The following TMPRSS15 variants were observed in gnomAD, a reference collection of about 807,000 sequenced individuals.
TMPRSS15 encodes transmembrane serine protease 15, also known as enteropeptidase.
A neutral mutation model predicts 125.3 loss-of-function variants in TMPRSS15; 128 were observed. The observed-to-expected ratio is 1.02, with a 90% CI of 0.89 to 1.18. The LOEUF is 1.18. Among genes scored for constraint, TMPRSS15 ranks in the 50% most tolerant of loss-of-function variants. The probability of loss-of-function intolerance (pLI) is 0.00; values close to 1 mark genes in which losing one functional copy is unlikely to be tolerated. For synonymous variants in TMPRSS15, 446 were observed against 423.2 expected (o/e 1.05, Z -0.66); for missense variants, 1,283 against 1,212.7 (o/e 1.06, Z -0.86).
intron 16 of TMPRSS15, among the ~76,000 whole-genome samples, chr21:18,321,390 T>C (rs2075233712): frequency 7.1e-6 from 1 of 140,052 alleles, no homozygotes; most frequent in Admixed American, 7.5e-5. Context: ...TCTCACTCTG[T>C]CGCCCAGGCT....
At chr21:18,358,537 A>T (rs1014000504) in intron 8 of TMPRSS15, among the ~76,000 whole-genome samples, 1 of 151,850 alleles carries the variant, frequency 6.6e-6, no homozygotes, top group African/African-American at 2.4e-5. Context: ...TTTTTTTTTA[A>T]GAGCAAATGT....
At chr21:18,415,554 T>C (rs2123180387) in intron 1 of TMPRSS15, among the ~76,000 whole-genome samples, 1 of 152,220 alleles carries the variant, frequency 6.6e-6, no homozygotes, top group South Asian at 2.1e-4. Context: ...AGATCTATTT[T>C]TGTTTTTTTG....
chr21:18,409,685 T>C (rs1013075102), intron 1 of TMPRSS15, among the ~76,000 whole-genome samples: 1 of 152,168 alleles, frequency 6.6e-6, no homozygotes. Context: ...TGGATTTTGT[T>C]ACTGGGTTCT....
intron 1 of TMPRSS15, among the ~76,000 whole-genome samples, chr21:18,467,774 A>C (rs1978696823): frequency 6.6e-6 from 1 of 152,182 alleles, no homozygotes; most frequent in African/African-American, 2.4e-5. Context: ...TGGGAATGAT[A>C]ATATGATAAA....
At chr21:18,319,973 C>CT (rs1218705608) in intron 16 of TMPRSS15, among the ~76,000 whole-genome samples, 1 of 152,042 alleles carries the variant, frequency 6.6e-6, no homozygotes, top group African/African-American at 2.4e-5. Context: ...TTCTACAAAC[C>CT]TTTATACCAT....
At position 18,313,349 on chromosome 21, in the gene TMPRSS15, C is replaced by CTCTATA. The variant is rs1555895998; in HGVS notation, c.2033-273_2033-272insTATAGA. The stretch of plus-strand genomic sequence containing the variant: ...ATCATTCCTCAATCTCTCTCTCTCT[C>CTCTATA]TATATATATATACACACTTTTTAAA... On this transcript the variant is annotated intron_variant, in intron 17 of 24. Coordinates refer to ENST00000284885, the MANE Select transcript of TMPRSS15 (RefSeq NM_002772.3). Among the ~76,000 whole-genome samples the CTCTATA allele has an allele frequency of 1.1e-3, 161 of 149,442 alleles. No individual in the cohort carries two copies. In the East Asian group the frequency reaches 0.015, roughly 14 times the overall value.
At chr21:18,461,219 A>G (rs2122952367) in intron 1 of TMPRSS15, among the ~76,000 whole-genome samples, 10 of 152,202 alleles carry the variant, frequency 6.6e-5, no homozygotes, top group African/African-American at 2.4e-4. Context: ...CCTGCTACCC[A>G]TTGACCAACT....
Position 18,326,456 on chromosome 21 carries a change from T to C in TMPRSS15, c.1897A>G (p.Thr633Ala). 6.2e-7 allele frequency: 1 copy of C among 1,614,144 alleles called. No homozygotes were observed. Among genetic ancestry groups the C allele is most frequent in the Non-Finnish European group, 8.5e-7 (1 of 1,179,984 alleles). ...ARGGFKANFT[T>A]GYHLGIPEPC... ...CCTGGAATCCCCAAGTGATAGCCAG[T>C]AGTAAAGTTTGCTTTAAACCCTCCT... The change falls in exon 16 of 25, where the codon ACT becomes GCT. Residue 633 changes from threonine (T) to alanine (A), a missense_variant. Thr to Ala is a moderately conservative substitution (Grantham distance 58). Transcript: ENST00000284885.
In TMPRSS15 at chr21:18,294,382, T is replaced by C. The variant is rs936938843; in HGVS notation, c.2374A>G (p.Lys792Glu). Residue 792 changes from lysine to glutamate, a missense_variant, in exon 21 of 25, where the codon AAA (lysine) becomes GAA (glutamate). Lys to Glu is a moderately conservative substitution (Grantham distance 56). Coordinates refer to ENST00000284885, the MANE Select transcript of TMPRSS15 (RefSeq NM_002772.3). ...TPKIVGGSNA[K>E]EGAWPWVVGL... ...ACAACCCAGGGCCAGGCCCCTTCTT[T>C]GGCATTACTTCCTCCAACAATCTTT... is the stretch of plus-strand genomic sequence containing the variant. 6.2e-7 allele frequency: 1 copy of C among 1,614,142 alleles called. No homozygotes were observed. The highest frequency in any genetic ancestry group is 1.3e-5 in the African/African-American group (1 of 74,950).
chr21:18,385,771 G>A (rs1411740069), intron 3 of TMPRSS15, among the ~76,000 whole-genome samples: 1 of 151,650 alleles, frequency 6.6e-6, no homozygotes, highest in Non-Finnish European at 1.5e-5. Flanking sequence ...TTGAGATGGA[G>A]TCTCTCTCTG....
intron 10 of TMPRSS15, 71 bp downstream of exon 10, chr21:18,352,832 A>G (rs2075583953): frequency 2.6e-6 from 4 of 1,525,164 alleles, no homozygotes; most frequent in East Asian, 2.3e-5. Context: ...ACACTGCAGT[A>G]CAACACATAC....
At chr21:18,310,548 G>T (rs563308478) in intron 18 of TMPRSS15, among the ~76,000 whole-genome samples, 1 of 151,986 alleles carries the variant, frequency 6.6e-6, no homozygotes, top group East Asian at 1.9e-4. Flanking sequence ...ACTGATGAAA[G>T]AAATTGAAAA....
chr21:18,358,046 T>G (rs2075642714), intron 8 of TMPRSS15, among the ~76,000 whole-genome samples: 1 of 151,956 alleles, frequency 6.6e-6, no homozygotes, highest in Non-Finnish European at 1.5e-5. Flanking sequence ...TGTTTTCTGC[T>G]TGGATATTCA....
intron 10 of TMPRSS15, among the ~76,000 whole-genome samples, chr21:18,350,550 T>G (rs1195324547): frequency 6.6e-6 from 1 of 152,132 alleles, no homozygotes; most frequent in Non-Finnish European, 1.5e-5. Context: ...TCATGTTCCC[T>G]CTGCCTGGAA....
intron 1 of TMPRSS15, among the ~76,000 whole-genome samples, chr21:18,438,936 T>G (rs2076235270): frequency 6.6e-6 from 1 of 152,208 alleles, no homozygotes; most frequent in African/African-American, 2.4e-5. Context: ...CATAAAATCA[T>G]GAAGCCCAGT....
chr21:18,463,468 C>A (rs1978592804), intron 1 of TMPRSS15, among the ~76,000 whole-genome samples: 1 of 151,798 alleles, frequency 6.6e-6, no homozygotes, highest in Admixed American at 6.6e-5. Context: ...TCTCAGAGAC[C>A]TACAAGAGAC....
intron 16 of TMPRSS15, among the ~76,000 whole-genome samples, chr21:18,325,327 G>A (rs552866246): frequency 2.6e-5 from 4 of 151,876 alleles, no homozygotes; most frequent in Non-Finnish European, 5.9e-5. Flanking sequence ...AATCGATTGA[G>A]CTACCACTTA....
Position 18,364,094 on chromosome 21 carries a change from C to T in TMPRSS15, c.773+1046G>A, listed in dbSNP as rs183431055. ...TGATTAGTTATTGGGCCATTTCATA[C>T]TGTTTGGCAAGAACCTGAGGCTCTG... On this transcript the variant is annotated intron_variant, in intron 7 of 24. Transcript: ENST00000284885. 7.6e-4 allele frequency among the ~76,000 whole-genome samples: 116 copies of T among 152,176 alleles called. No homozygotes were observed. In the Middle Eastern group the frequency reaches 0.01, roughly 13 times the overall value.
At position 18,465,718 on chromosome 21, in the gene TMPRSS15, G is replaced by A. The variant is rs562787971; in HGVS notation, c.10+20081C>T. Among the ~76,000 whole-genome samples, 4 of 152,068 alleles carry A rather than the reference G, an allele frequency of 2.6e-5. No homozygotes were observed. The East Asian group carries it at 7.8e-4, about 30-fold the overall frequency. ...ACAACTTAAAAGGGATGTGAAGAAC[G>A]TCTTCAAGGAGAACTACAAACCACT... On this transcript the variant is annotated intron_variant, in intron 1 of 7. Coordinates refer to the TMPRSS15 transcript ENST00000422787.
Sources: gnomAD v4.1 joint callset for allele counts (sites outside exome capture counted in the v4.1 genomes callset) on GRCh38, gnomAD v4.1.1 for gene constraint, MANE v1.5 for transcripts, NCBI Gene and HGNC (gene_info 2026-07-23, HGNC 2026-07-21) for gene names.